Variants in HCN2 observed in about 807,000 individuals in gnomAD.
HCN2 encodes the protein hyperpolarization activated cyclic nucleotide gated potassium and sodium channel 2.
A neutral mutation model predicts 52.3 loss-of-function variants in HCN2; 20 were observed. That is an observed-to-expected ratio of 0.38 (90% confidence interval 0.27 to 0.56). The LOEUF (loss-of-function observed/expected upper bound fraction) is 0.56, where lower values mean the gene tolerates loss of function less well. Among genes scored for constraint, HCN2 ranks in the 20% least tolerant of loss-of-function variants. HCN2 has a pLI of 0.71. For missense variants in HCN2, 981 were observed against 1,207.7 expected (o/e 0.81, Z 2.78); for synonymous variants, 694 against 537.0 (o/e 1.29, Z -4.04).
Position 592,860 on chromosome 19 carries a change from A to C in HCN2, c.632+2283A>C, listed in dbSNP as rs539027522. ...GGGCCTCTACGTTTGCAGCTGACTC[A>C]GGAGCCTGGCCCCAACTGGCTTCGG... On this transcript the variant is annotated intron_variant, in intron 1 of 7. Transcript: ENST00000251287. This position sits in a 1 kb window ranked among gnomAD's most constrained non-coding sequence, Gnocchi z 4.8. 2.0e-5 allele frequency among the ~76,000 whole-genome samples: 3 copies of C among 152,312 alleles called. No individual in the cohort carries two copies. Among genetic ancestry groups the C allele is most frequent in the East Asian group, 1.9e-4 (1 of 5,182 alleles).
intron 1 of HCN2, among the ~76,000 whole-genome samples, chr19:602,751 T>G (rs1467236968): frequency 6.6e-6 from 1 of 152,220 alleles, no homozygotes; most frequent in Non-Finnish European, 1.5e-5. Flanking sequence ...GTGAAGCACT[T>G]AATCTATTTT....
chr19:596,709 G>A (rs981975239), intron 1 of HCN2, among the ~76,000 whole-genome samples: 3 of 152,196 alleles, frequency 2.0e-5, no homozygotes, highest in Non-Finnish European at 2.9e-5. Context: ...TATGGTGGCC[G>A]GATGGGGAAA....
At position 613,364 on chromosome 19, in the gene HCN2, G is replaced by C. The variant is rs200216656; in HGVS notation, c.1701G>C (p.Pro567=). The C allele has an allele frequency of 1.6e-5, 26 of 1,612,866 alleles. No individual in the cohort carries two copies. The highest frequency in any genetic ancestry group is 1.6e-5 in the Non-Finnish European group (19 of 1,179,892). The change falls in exon 6 of 8, where the codon CCG becomes CCC. Residue 567 remains proline, a synonymous_variant. Coordinates refer to ENST00000251287, the MANE Select transcript of HCN2 (RefSeq NM_001194.4). The stretch of plus-strand genomic sequence containing the variant: ...AGCTCAAGTTCGAGGTCTTCCAGCC[G>C]GGTGACTACATCATCCGCGAAGGCA... The part of the protein sequence containing the change: ...LTKLKFEVFQ[P]GDYIIREGTI...
chr19:596,853 A>G (rs1000421406), intron 1 of HCN2, among the ~76,000 whole-genome samples: 9 of 152,020 alleles, frequency 5.9e-5, no homozygotes, highest in African/African-American at 2.2e-4. Context: ...GAGAGGCAGG[A>G]GAGGGTCTCC....
chr19:611,748 G>C (rs557108507), intron 5 of HCN2, among the ~76,000 whole-genome samples: 2 of 152,250 alleles, frequency 1.3e-5, no homozygotes, highest in Admixed American at 6.5e-5. Flanking sequence ...CCCAAAAGGA[G>C]ACCTGGGGTG....
In HCN2 at chr19:596,223, C is replaced by T. The variant is rs1457418709; in HGVS notation, c.632+5646C>T. On this transcript the variant is annotated intron_variant, in intron 1 of 7. Transcript: ENST00000251287. ...GAATGACATGGTCTGTCTGGGTTCC[C>T]ATCCCACTGTTTCACTTATGGCTGG... 5.3e-5 allele frequency among the ~76,000 whole-genome samples: 8 copies of T among 152,366 alleles called. No homozygotes were observed. In the South Asian group the frequency reaches 1.4e-3, roughly 28 times the overall value.
At chr19:600,877 A>G (rs79942835) in intron 1 of HCN2, among the ~76,000 whole-genome samples, 1 of 152,146 alleles carries the variant, frequency 6.6e-6, no homozygotes, top group East Asian at 1.9e-4. Flanking sequence ...CGTCACCACT[A>G]TCCATAGTCC....
Position 590,199 on chromosome 19 carries a change from C to G in HCN2, c.254C>G (p.Pro85Arg), listed in dbSNP as rs1193038771. Residue 85 changes from proline (P) to arginine (R), a missense_variant, in exon 1 of 8, where the codon CCC (proline) becomes CGC (arginine). This residue lies in a region of HCN2 where 215 missense variants were observed against 179.4 expected (regional missense o/e 1.20). Transcript: ENST00000251287. This position sits in a 1 kb window ranked among gnomAD's most constrained non-coding sequence, Gnocchi z 7.2. The part of the protein sequence containing the change: ...LRSRDSSCGR[P>R]GTPGAASTAK... ...AGCCGCGACAGCTCGTGCGGCCGCC[C>G]CGGCACCCCGGGCGCGGCGAGCACG... 1.0e-6 allele frequency: 1 copy of G among 983,074 alleles called. No individual in the cohort carries two copies. Among genetic ancestry groups the G allele is most frequent in the East Asian group, 1.2e-4 (1 of 8,594 alleles). The allele number at this position is 983,074 out of a possible 1,614,324, so 60.9% of individuals were successfully genotyped here. A position where few individuals can be genotyped will look rare whatever the true frequency, so the allele number is the denominator to read the frequency against.
intron 7 of HCN2, 30 bp downstream of exon 7, chr19:614,046 G>A (rs1474703731): frequency 3.3e-6 from 5 of 1,520,882 alleles, no homozygotes; most frequent in Non-Finnish European, 4.4e-6. Context: ...GGCCGGGGCG[G>A]GTGCCCTGGC....
intron 1 of HCN2, among the ~76,000 whole-genome samples, chr19:599,760 C>G (rs1382098312): frequency 1.3e-5 from 2 of 151,888 alleles, no homozygotes; most frequent in Admixed American, 1.3e-4. Flanking sequence ...CGCACTCCAG[C>G]CTGGGCGACA....
Position 590,019 on chromosome 19 carries a change from C to T in HCN2, c.74C>T (p.Pro25Leu). The change falls in exon 1 of 8, where the codon CCG (proline) becomes CTG (leucine). Residue 25 changes from proline to leucine, a missense_variant. By Grantham distance (98) the Pro-to-Leu change is moderately conservative (BLOSUM62 -3). Around this residue, in one of 6 missense-constraint regions of HCN2, gnomAD observed 215 missense variants for 179.4 expected, o/e 1.20. Transcript: ENST00000251287. The surrounding 1 kb of genome is among the most constrained non-coding windows in gnomAD (Gnocchi z 7.2). Reference protein sequence around the residue: ...GATPAPGPPPPPPPAPPQQQP... With the variant: ...GATPAPGPPPLPPPAPPQQQP... ...ACCCCCGCGCCGGGGCCGCCGCCGC[C>T]GCCGCCGCCCGCGCCCCCCCAACAG... is the stretch of plus-strand genomic sequence containing the variant. 1.7e-6 allele frequency: 1 copy of T among 601,452 alleles called. No homozygotes were observed. Among genetic ancestry groups the T allele is most frequent in the South Asian group, 7.5e-5 (1 of 13,380 alleles). 37.3% of individuals were successfully genotyped at this position (601,452 alleles called of 1,614,324 possible).
In HCN2 at chr19:590,521, G is replaced by A; in HGVS notation, c.576G>A (p.Glu192=). Residue 192 remains glutamate (E), a synonymous_variant, in exon 1 of 8, where the codon GAG becomes GAA. Coordinates refer to ENST00000251287, the MANE Select transcript of HCN2 (RefSeq NM_001194.4). This position sits in a 1 kb window ranked among gnomAD's most constrained non-coding sequence, Gnocchi z 7.2. ...MFGSQKAVER[E]QERVKSAGAW... ...GCAGCCAGAAGGCCGTGGAGCGCGA[G>A]CAGGAGCGCGTCAAGTCGGCGGGGG... The A allele has an allele frequency of 2.0e-6, 3 of 1,515,342 alleles. No individual in the cohort carries two copies. The highest frequency in any genetic ancestry group is 2.4e-5 in the South Asian group (2 of 82,148). The allele number at this position is 1,515,342 out of a possible 1,614,324, so 93.9% of individuals were successfully genotyped here.
chr19:616,281 C>T lies in HCN2; in HGVS notation c.2477C>T (p.Ser826Leu), dbSNP rs1191857264. The T allele has an allele frequency of 2.8e-6, 3 of 1,062,770 alleles. No individual in the cohort carries two copies. Among genetic ancestry groups the T allele is most frequent in the Non-Finnish European group, 3.4e-6 (3 of 881,678 alleles). 65.8% of individuals were successfully genotyped at this position (1,062,770 alleles called of 1,614,324 possible). A position where few individuals can be genotyped will look rare whatever the true frequency, so the allele number is the denominator to read the frequency against. ...ASRPLSASQP[S>L]LPHGAPGPAA... ...CGCCCACTGTCCGCCTCGCAGCCCTCGCTGCCTCACGGCGCCCCCGGCCCC... is the reference window on the plus strand; with the variant it reads ...CGCCCACTGTCCGCCTCGCAGCCCTTGCTGCCTCACGGCGCCCCCGGCCCC... Residue 826 changes from serine to leucine, a missense_variant, in exon 8 of 8, where the codon TCG becomes TTG. By Grantham distance (145) the Ser-to-Leu change is moderately radical. This residue lies in a region of HCN2 where 368 missense variants were observed against 314.8 expected (regional missense o/e 1.17). Transcript: ENST00000251287.
In HCN2 at chr19:590,238, C is replaced by G. The variant is rs1311705969; in HGVS notation, c.293C>G (p.Pro98Arg). 1.0e-6 allele frequency: 1 copy of G among 989,162 alleles called. No homozygotes were observed. The highest frequency in any genetic ancestry group is 6.2e-5 in the Admixed American group (1 of 16,238). 61.3% of individuals were successfully genotyped at this position (989,162 alleles called of 1,614,324 possible). A position where few individuals can be genotyped will look rare whatever the true frequency, so the allele number is the denominator to read the frequency against. The change falls in exon 1 of 8, where the codon CCG becomes CGG. Residue 98 changes from proline (P) to arginine (R), a missense_variant. Transcript: ENST00000251287. The surrounding 1 kb of genome is among the most constrained non-coding windows in gnomAD (Gnocchi z 7.2). ...PGAASTAKGSPNGECGRGEPQ... is the reference protein window; with the variant it reads ...PGAASTAKGSRNGECGRGEPQ... ...GCGGCGAGCACGGCCAAGGGCAGCC[C>G]GAACGGCGAGTGCGGGCGCGGCGAG...
chr19:612,393 G>GGTTGT (rs1555731836), intron 5 of HCN2, among the ~76,000 whole-genome samples: 1 of 141,874 alleles, frequency 7.0e-6, no homozygotes, highest in South Asian at 2.3e-4. Context: ...GCTTTCCACT[G>GGTTGT]GTGTGTGTGT....
chr19:609,676 G>A (rs1299672771), intron 4 of HCN2, among the ~76,000 whole-genome samples: 2 of 152,160 alleles, frequency 1.3e-5, no homozygotes, highest in East Asian at 1.9e-4. Context: ...CGAGGTGGGA[G>A]GATCCCTTGA....
chr19:606,895 G>C (rs1273161145), intron 3 of HCN2, among the ~76,000 whole-genome samples: 1 of 149,076 alleles, frequency 6.7e-6, no homozygotes, highest in Non-Finnish European at 1.5e-5. Context: ...GAAGAGGCCG[G>C]GCGCGGTGGC....
chr19:608,583 T>A (rs1168171525), intron 4 of HCN2, among the ~76,000 whole-genome samples: 1 of 107,996 alleles, frequency 9.3e-6, no homozygotes, highest in African/African-American at 3.6e-5. Flanking sequence ...GAGATGGACG[T>A]GGGGCGGGGG....
rs1400832657 is a variant in HCN2 at position 591,489 on chromosome 19, G to A, written c.632+912G>A. Among the ~76,000 whole-genome samples, 1 of 152,164 alleles carries A rather than the reference G, an allele frequency of 6.6e-6. No individual in the cohort carries two copies. Among genetic ancestry groups the A allele is most frequent in the African/African-American group, 2.4e-5 (1 of 41,438 alleles). The stretch of plus-strand genomic sequence containing the variant: ...GCGTGCGCGTGTACGCCCGGGGCCG[G>A]TGTGCACCGGTGGGCAGTAGTGTGA... On this transcript the variant is annotated intron_variant, in intron 1 of 7. Transcript: ENST00000251287. The surrounding 1 kb of genome is among the most constrained non-coding windows in gnomAD (Gnocchi z 4.1).
Sources: gnomAD v4.1 joint callset for allele counts (sites outside exome capture counted in the v4.1 genomes callset) on GRCh38, gnomAD v4.1.1 for gene constraint, gnomAD v4.1.1 regional missense constraint, Gnocchi (gnomAD v3.1) non-coding constraint, MANE v1.5 for transcripts, NCBI Gene and HGNC (gene_info 2026-07-23, HGNC 2026-07-21) for gene names.